TMEM119: variants seen among roughly 807,000 people sequenced by gnomAD.
The protein encoded by TMEM119 is osteoblast induction factor.
For synonymous variants in TMEM119, 182 were observed against 176.4 expected (o/e 1.03, Z -0.25); for missense variants, 410 against 381.0 (o/e 1.08, Z -0.63).
chr12:108,597,340 G>C (rs893136377), intron 1 of TMEM119, among the ~76,000 whole-genome samples: 2 of 152,078 alleles, frequency 1.3e-5, no homozygotes, highest in Non-Finnish European at 2.9e-5. Flanking sequence ...CCTTGTGGGG[G>C]AGGGGTGTTC....
intron 1 of TMEM119, among the ~76,000 whole-genome samples, chr12:108,593,674 G>A (rs988143180): frequency 6.6e-6 from 1 of 152,206 alleles, no homozygotes; most frequent in African/African-American, 2.4e-5. Context: ...CAGATGAGCC[G>A]GGGGCCTCCC....
chr12:108,592,345 C>T lies in TMEM119; in HGVS notation c.39G>A (p.Leu13=), dbSNP rs750515952. 2 of 1,581,252 alleles carry T rather than the reference C, an allele frequency of 1.3e-6. No homozygotes were observed. Among genetic ancestry groups the T allele is most frequent in the South Asian group, 2.3e-5 (2 of 88,562 alleles). The change falls in exon 2 of 2, where the codon CTG becomes CTA. Residue 13 remains leucine, a synonymous_variant. Transcript: ENST00000392806. The surrounding 1 kb of genome is among the most constrained non-coding windows in gnomAD (Gnocchi z 4.3). ...CAGGCACAGACCCCAGGAGCAGCAA[C>T]AGAAGGATGAGGAGGCTGGGGGCTG... ...SAAAPSLLIL[L]LLLLGSVPAT...
In TMEM119 at chr12:108,592,483, A is replaced by G; in HGVS notation, c.-14-86T>C. ...ACAGGCTCACCAGCCCCCAGGAGGA[A>G]CAGGGAGCATGAAACACCTTCTAGC... On this transcript the variant is annotated intron_variant, in intron 1 of 1. Transcript: ENST00000392806. The surrounding 1 kb of genome is among the most constrained non-coding windows in gnomAD (Gnocchi z 4.3). 4 of 1,402,476 alleles carry G rather than the reference A, an allele frequency of 2.9e-6. No individual in the cohort carries two copies. Among genetic ancestry groups the G allele is most frequent in the Non-Finnish European group, 3.8e-6 (4 of 1,061,454 alleles). 86.9% of individuals were successfully genotyped at this position (1,402,476 alleles called of 1,614,324 possible). A position where few individuals can be genotyped will look rare whatever the true frequency, so the allele number is the denominator to read the frequency against.
In TMEM119 at chr12:108,592,294, C is replaced by T; in HGVS notation, c.90G>A (p.Leu30=). 2.5e-6 allele frequency: 4 copies of T among 1,608,432 alleles called. No homozygotes were observed. The highest frequency in any genetic ancestry group is 1.1e-5 in the South Asian group (1 of 90,854). ...VPATDARSVP[L]KATFLEDVAG... is the part of the protein sequence containing the mutation. ...CCACATCCTCCAGGAACGTGGCCTT[C>T]AGGGGCACAGAGCGGGCGTCGGTAG... The change falls in exon 2 of 2, where the codon CTG becomes CTA. Residue 30 remains leucine, a synonymous_variant. Coordinates refer to ENST00000392806, the MANE Select transcript of TMEM119 (RefSeq NM_181724.3). The surrounding 1 kb of genome is among the most constrained non-coding windows in gnomAD (Gnocchi z 4.3).
rs753001255 is a variant in TMEM119 at position 108,592,219 on chromosome 12, CG to C, written c.164del (p.Pro55ArgfsTer18). On this transcript the variant is annotated frameshift_variant, in exon 2 of 2. Transcript: ENST00000392806. LOFTEE classifies it low-confidence loss of function (END_TRUNC). The surrounding 1 kb of genome is among the most constrained non-coding windows in gnomAD (Gnocchi z 4.3). ...GGCTGAGGGCCGGGGTCCAGGGTGG[CG>C]GGAGGCTCGGGGAGGAGGCCGACGA... ...EGSSASSPSL[P>X]PPWTPALSPT... The C allele has an allele frequency of 3.7e-6, 6 of 1,611,508 alleles. No homozygotes were observed. Among genetic ancestry groups the C allele is most frequent in the Non-Finnish European group, 3.4e-6 (4 of 1,179,374 alleles).
chr12:108,594,086 G>C (rs1299996597), intron 1 of TMEM119: 1 of 152,270 alleles, frequency 6.6e-6, no homozygotes, highest in East Asian at 1.9e-4. Context: ...CCAAGGCCTC[G>C]GCTGCGGTCA....
intron 1 of TMEM119, among the ~76,000 whole-genome samples, chr12:108,595,539 G>C (rs533098454): frequency 2.1e-5 from 3 of 142,500 alleles, no homozygotes; most frequent in African/African-American, 8.0e-5. Flanking sequence ...ACACAACCAC[G>C]TACACACATG....
At position 108,590,456 on chromosome 12, in the gene TMEM119, G is replaced by T. The variant is rs932614382; in HGVS notation, c.*1076C>A. 1 of 152,240 alleles carries T rather than the reference G, an allele frequency of 6.6e-6. No homozygotes were observed. Among genetic ancestry groups the T allele is most frequent in the Non-Finnish European group, 1.5e-5 (1 of 68,072 alleles). 9.4% of individuals were successfully genotyped at this position (152,240 alleles called of 1,614,324 possible). A position where few individuals can be genotyped will look rare whatever the true frequency, so the allele number is the denominator to read the frequency against. On this transcript the variant is annotated 3_prime_UTR_variant, in exon 2 of 2. Coordinates refer to ENST00000392806, the MANE Select transcript of TMEM119 (RefSeq NM_181724.3). ...CACGCCTGTAATCCCAGCACTTTGG[G>T]AGGCAGAGGCAGGTGGATCACCTGA...
In TMEM119 at chr12:108,590,504, C is replaced by T. The variant is rs1478223893; in HGVS notation, c.*1028G>A. Reference sequence around the variant, plus strand: ...TGAAGGTCAGGAGTTCCAGACCAGCCTGGCCAACATGGTGAAGCCCCATCT... The same window carrying T: ...TGAAGGTCAGGAGTTCCAGACCAGCTTGGCCAACATGGTGAAGCCCCATCT... On this transcript the variant is annotated 3_prime_UTR_variant, in exon 2 of 2. Coordinates refer to ENST00000392806, the MANE Select transcript of TMEM119 (RefSeq NM_181724.3). 6.6e-6 allele frequency: 1 copy of T among 152,170 alleles called. No individual in the cohort carries two copies. The highest frequency in any genetic ancestry group is 1.5e-5 in the Non-Finnish European group (1 of 68,056). 9.4% of individuals were successfully genotyped at this position (152,170 alleles called of 1,614,324 possible). A position where few individuals can be genotyped will look rare whatever the true frequency, so the allele number is the denominator to read the frequency against.
Position 108,592,307 on chromosome 12 carries a change from C to T in TMEM119, c.77G>A (p.Arg26His), listed in dbSNP as rs747854835. Residue 26 changes from arginine to histidine, a missense_variant, in exon 2 of 2, where the codon CGC (arginine) becomes CAC (histidine). Physicochemically the swap from Arg to His is conservative, Grantham distance 29 (BLOSUM62 0). Transcript: ENST00000392806. The surrounding 1 kb of genome is among the most constrained non-coding windows in gnomAD (Gnocchi z 4.3). Reference protein sequence around the residue: ...LLGSVPATDARSVPLKATFLE... With the variant: ...LLGSVPATDAHSVPLKATFLE... ...GAACGTGGCCTTCAGGGGCACAGAG[C>T]GGGCGTCGGTAGCAGGCACAGACCC... The T allele has an allele frequency of 2.7e-5, 43 of 1,603,354 alleles. No individual in the cohort carries two copies. Among genetic ancestry groups the T allele is most frequent in the Non-Finnish European group, 3.6e-5 (42 of 1,177,988 alleles).
intron 1 of TMEM119, among the ~76,000 whole-genome samples, chr12:108,593,884 C>T (rs939162797): frequency 6.6e-6 from 1 of 152,260 alleles, no homozygotes; most frequent in African/African-American, 2.4e-5. Flanking sequence ...TCTGAGAACC[C>T]CTGCCCGGCC....
Position 108,590,477 on chromosome 12 carries a change from C to A in TMEM119, c.*1055G>T, listed in dbSNP as rs1308490350. ...TTGGGAGGCAGAGGCAGGTGGATCACCTGAAGGTCAGGAGTTCCAGACCAG... is the reference window on the plus strand; with the variant it reads ...TTGGGAGGCAGAGGCAGGTGGATCAACTGAAGGTCAGGAGTTCCAGACCAG... On this transcript the variant is annotated 3_prime_UTR_variant, in exon 2 of 2. Transcript: ENST00000392806. 1 of 152,158 alleles carries A rather than the reference C, an allele frequency of 6.6e-6. No homozygotes were observed. Among genetic ancestry groups the A allele is most frequent in the Non-Finnish European group, 1.5e-5 (1 of 68,056 alleles). 9.4% of individuals were successfully genotyped at this position (152,158 alleles called of 1,614,324 possible).
In TMEM119 at chr12:108,591,899, G is replaced by T; in HGVS notation, c.485C>A (p.Pro162His). Reference sequence around the variant, plus strand: ...CCGGGAGGAATCCAGGGCTTCCTCGGGCCTGCTGTCGGGGGCTCTGTCGGG... The same window carrying T: ...CCGGGAGGAATCCAGGGCTTCCTCGTGCCTGCTGTCGGGGGCTCTGTCGGG... ...EVPDRAPDSR[P>H]EEALDSSRQL... is the part of the protein sequence containing the mutation. Residue 162 changes from proline (P) to histidine (H), a missense_variant, in exon 2 of 2, where the codon CCC (proline) becomes CAC (histidine). Transcript: ENST00000392806. The surrounding 1 kb of genome is among the most constrained non-coding windows in gnomAD (Gnocchi z 4.2). 6.2e-7 allele frequency: 1 copy of T among 1,612,528 alleles called. No individual in the cohort carries two copies.
intron 1 of TMEM119, among the ~76,000 whole-genome samples, chr12:108,597,654 G>A (rs2031527221): frequency 6.6e-6 from 1 of 151,864 alleles, no homozygotes; most frequent in Non-Finnish European, 1.5e-5. Flanking sequence ...CTGCACACAG[G>A]ACAATACCGT....
In TMEM119 at chr12:108,592,251, C is replaced by T. The variant is rs568413712; in HGVS notation, c.133G>A (p.Glu45Lys). 32 of 1,596,224 alleles carry T rather than the reference C, an allele frequency of 2.0e-5. No homozygotes were observed. Among genetic ancestry groups the T allele is most frequent in the African/African-American group, 8.0e-5 (6 of 74,652 alleles). The change falls in exon 2 of 2, where the codon GAG (glutamate) becomes AAG (lysine). Residue 45 changes from glutamate to lysine, a missense_variant. By Grantham distance (56) the Glu-to-Lys change is moderately conservative (BLOSUM62 1). Coordinates refer to ENST00000392806, the MANE Select transcript of TMEM119 (RefSeq NM_181724.3). This position sits in a 1 kb window ranked among gnomAD's most constrained non-coding sequence, Gnocchi z 4.3. ...CTCGGGGAGGAGGCCGACGAGCCCT[C>T]GGCCTCCCCACTACCCGCCACATCC... is the stretch of plus-strand genomic sequence containing the variant. Reference protein sequence around the residue: ...LEDVAGSGEAEGSSASSPSLP... With the variant: ...LEDVAGSGEAKGSSASSPSLP...
At position 108,591,334 on chromosome 12, in the gene TMEM119, T is replaced by C. The variant is rs1258707233; in HGVS notation, c.*198A>G. ...TTGGGGCTGCTGAGGTGAAGGATGA[T>C]GGCACTTGGTAAGATTCCTCCGGGG... On this transcript the variant is annotated 3_prime_UTR_variant, in exon 2 of 2. Coordinates refer to ENST00000392806, the MANE Select transcript of TMEM119 (RefSeq NM_181724.3). The surrounding 1 kb of genome is among the most constrained non-coding windows in gnomAD (Gnocchi z 4.2). 6.6e-6 allele frequency: 4 copies of C among 609,974 alleles called. No homozygotes were observed. The highest frequency in any genetic ancestry group is 3.7e-5 in the African/African-American group (2 of 53,498). 37.8% of individuals were successfully genotyped at this position (609,974 alleles called of 1,614,324 possible).
intron 1 of TMEM119, among the ~76,000 whole-genome samples, chr12:108,596,603 C>A (rs1369873584): frequency 6.6e-6 from 1 of 152,254 alleles, no homozygotes; most frequent in South Asian, 2.1e-4. Context: ...CCCAGCCCCA[C>A]CTGCAGTCAG....
At chr12:108,595,626 A>G (rs1191283206) in intron 1 of TMEM119, among the ~76,000 whole-genome samples, 1 of 151,536 alleles carries the variant, frequency 6.6e-6, no homozygotes. Flanking sequence ...ACATATATGC[A>G]TACACTCCAC....
At chr12:108,595,332 A>G (rs1235024224) in intron 1 of TMEM119, among the ~76,000 whole-genome samples, 9 of 148,864 alleles carry the variant, frequency 6.0e-5, no homozygotes, top group Admixed American at 5.4e-4. Context: ...ACACACCCAT[A>G]TACACACATG....
Sources: gnomAD v4.1 joint callset for allele counts (sites outside exome capture counted in the v4.1 genomes callset) on GRCh38, gnomAD v4.1.1 for gene constraint, Gnocchi (gnomAD v3.1) non-coding constraint, MANE v1.5 for transcripts, NCBI Gene and HGNC (gene_info 2026-07-23, HGNC 2026-07-21) for gene names.